Variants in RBFOX1 observed in about 807,000 individuals in gnomAD.
RBFOX1 encodes RNA binding protein fox-1 homolog 1.
In RBFOX1, 8 loss-of-function variants were observed where a neutral mutation model predicts 57.7. That is an observed-to-expected ratio of 0.14 (90% CI 0.08 to 0.25). The LOEUF (loss-of-function observed/expected upper bound fraction) is 0.25, where lower values mean the gene tolerates loss of function less well. Ranked by LOEUF, RBFOX1 falls within the 10% of genes least tolerant of loss-of-function variation. RBFOX1 has a pLI of 1.00. For missense variants in RBFOX1, 611 were observed against 548.5 expected, an observed-to-expected ratio of 1.11 and a Z score of -1.14; for synonymous variants, 326 against 222.4, an observed-to-expected ratio of 1.47 and a Z score of -4.15.
intron 1 of RBFOX1, among the ~76,000 whole-genome samples, chr16:5,456,920 C>T (rs566137253): frequency 3.0e-4 from 46 of 152,306 alleles, no homozygotes; most frequent in African/African-American, 1.1e-3. Context: ...GCACATTCCA[C>T]CTCTAGGCCT....
chr16:6,309,309 G>A (rs1314140153), intron 1 of RBFOX1, among the ~76,000 whole-genome samples: 2 of 152,088 alleles, frequency 1.3e-5, no homozygotes, highest in African/African-American at 4.8e-5. Context: ...GAAGGCTGTG[G>A]TACCTCTGCT....
intron 3 of RBFOX1, among the ~76,000 whole-genome samples, chr16:6,658,095 G>A (rs550355885): frequency 7.8e-4 from 118 of 152,102 alleles, no homozygotes; most frequent in Middle Eastern, 3.4e-3. Context: ...GGAGTCCTAC[G>A]GGGCCTCTCC....
intron 4 of RBFOX1, among the ~76,000 whole-genome samples, chr16:7,337,038 C>G (rs983951924): frequency 6.6e-6 from 1 of 152,176 alleles, no homozygotes; most frequent in East Asian, 1.9e-4. Context: ...CCCCCAAAAT[C>G]TGATTTTCAA....
intron 1 of RBFOX1, among the ~76,000 whole-genome samples, chr16:5,313,275 G>A (rs1307205115): frequency 2.6e-5 from 4 of 152,118 alleles, no homozygotes; most frequent in South Asian, 2.1e-4. Context: ...TCCTCTGGGA[G>A]GTCTCAAATC....
intron 3 of RBFOX1, among the ~76,000 whole-genome samples, chr16:7,048,490 A>G (rs2048826461): frequency 6.6e-6 from 1 of 150,940 alleles, no homozygotes; most frequent in Non-Finnish European, 1.5e-5. Context: ...CGATCTCCTG[A>G]CCTCATGATC....
chr16:6,551,656 A>G (rs943317533), intron 2 of RBFOX1, among the ~76,000 whole-genome samples: 4 of 152,178 alleles, frequency 2.6e-5, no homozygotes, highest in African/African-American at 9.7e-5. Context: ...CTTGCCTGGG[A>G]ATGTGTAGCT....
chr16:6,368,027 C>A (rs1302134303), intron 2 of RBFOX1, among the ~76,000 whole-genome samples: 1 of 152,136 alleles, frequency 6.6e-6, no homozygotes, highest in Non-Finnish European at 1.5e-5. Context: ...CATAAATGTC[C>A]TATTTTCTTT....
chr16:5,864,202 G>T (rs912962566), intron 3 of RBFOX1, among the ~76,000 whole-genome samples: 1 of 152,170 alleles, frequency 6.6e-6, no homozygotes, highest in Non-Finnish European at 1.5e-5. Context: ...ATGGCCTCCA[G>T]CTCCATCGAT....
intron 3 of RBFOX1, among the ~76,000 whole-genome samples, chr16:7,007,916 C>G (rs1461850800): frequency 6.6e-6 from 1 of 152,186 alleles, no homozygotes; most frequent in Non-Finnish European, 1.5e-5. Flanking sequence ...AGCTTGCTAG[C>G]TGGGGCCTCC....
intron 4 of RBFOX1, among the ~76,000 whole-genome samples, chr16:7,484,451 C>G (rs944331834): frequency 6.6e-6 from 1 of 152,114 alleles, no homozygotes; most frequent in Admixed American, 6.6e-5. Context: ...TTTCCACTGG[C>G]ATTGTAGCAT....
intron 3 of RBFOX1, among the ~76,000 whole-genome samples, chr16:5,708,073 A>G (rs1294737780): frequency 2.6e-5 from 4 of 152,180 alleles, no homozygotes; most frequent in Non-Finnish European, 4.4e-5. Flanking sequence ...GTTGCTGTCC[A>G]TACCAAACAA....
intron 1 of RBFOX1, among the ~76,000 whole-genome samples, chr16:5,464,425 C>A (rs959549731): frequency 6.6e-6 from 1 of 152,160 alleles, no homozygotes; most frequent in African/African-American, 2.4e-5. Flanking sequence ...AGAGAGGGGA[C>A]ACGACAGAGC....
intron 3 of RBFOX1, among the ~76,000 whole-genome samples, chr16:5,736,034 C>T (rs1019590122): frequency 5.3e-5 from 8 of 152,062 alleles, no homozygotes; most frequent in Non-Finnish European, 8.8e-5. Context: ...GGAACAAAGA[C>T]GGTGACATGC....
At chr16:6,748,053 G>C (rs2074136489) in intron 3 of RBFOX1, among the ~76,000 whole-genome samples, 1 of 152,134 alleles carries the variant, frequency 6.6e-6, no homozygotes, top group South Asian at 2.1e-4. Context: ...GTTATTTATT[G>C]AACCATTTTC....
chr16:7,287,149 A>G (rs1003181861), intron 4 of RBFOX1, among the ~76,000 whole-genome samples: 1 of 152,216 alleles, frequency 6.6e-6, no homozygotes, highest in Non-Finnish European at 1.5e-5. Context: ...AGTACTTAAT[A>G]GAGAGAGAAG....
intron 14 of RBFOX1, among the ~76,000 whole-genome samples, chr16:7,697,137 C>G (rs1004086993): frequency 6.6e-6 from 1 of 152,120 alleles, no homozygotes; most frequent in Non-Finnish European, 1.5e-5. Context: ...TGCCAAAGAA[C>G]AGAAGAAACA....
chr16:7,079,578 G>T, intron 4 of RBFOX1, among the ~76,000 whole-genome samples: 1 of 152,090 alleles, frequency 6.6e-6, no homozygotes, highest in Middle Eastern at 3.4e-3. Context: ...CTCTCCCTCT[G>T]TATAAAGAAA....
intron 4 of RBFOX1, among the ~76,000 whole-genome samples, chr16:7,071,118 T>C (rs2057248497): frequency 6.6e-6 from 1 of 152,180 alleles, no homozygotes; most frequent in South Asian, 2.1e-4. Context: ...CACATTACAA[T>C]TTCTTCACAA....
chr16:6,106,371 C>G (rs543733349), intron 1 of RBFOX1, among the ~76,000 whole-genome samples: 3 of 146,868 alleles, frequency 2.0e-5, no homozygotes, highest in Non-Finnish European at 4.4e-5. Context: ...GAGGCTGAGG[C>G]AGGAGAATTG....
Sources: allele counts gnomAD v4.1 joint callset (sites outside exome capture counted in the v4.1 genomes callset), GRCh38; gene constraint gnomAD v4.1.1; transcripts MANE v1.5; gene names NCBI Gene and HGNC (gene_info 2026-07-23, HGNC 2026-07-21).